DPP10: variants seen among roughly 807,000 people sequenced by gnomAD.
DPP10 encodes the protein dipeptidyl peptidase like 10, also known as inactive dipeptidyl peptidase 10.
A neutral mutation model predicts 120.9 loss-of-function variants in DPP10; 33 were observed. The ratio of observed to expected loss-of-function variants is 0.27; its 90% CI spans 0.21 to 0.37. DPP10 has a LOEUF of 0.37. Ranked by LOEUF, DPP10 falls within the 10% of genes least tolerant of loss-of-function variation. DPP10 has a pLI of 1.00. For synonymous variants in DPP10, 337 were observed against 326.1 expected (o/e 1.03, Z -0.36); for missense variants, 816 against 942.8 (o/e 0.87, Z 1.76).
At position 115,796,246 on chromosome 2, in the gene DPP10, T is replaced by A. The variant is rs185962535; in HGVS notation, c.1700+4890T>A. The stretch of plus-strand genomic sequence containing the variant: ...AGTTTGCCTGCCCACCTGGAGAAGT[T>A]CTCTTAAGACTTCCAGACACACTTC... On this transcript the variant is annotated intron_variant, in intron 19 of 25. Transcript: ENST00000410059. Among the ~76,000 whole-genome samples the A allele has an allele frequency of 2.1e-3, 322 of 152,124 alleles. 6 individuals carry two copies. Among genetic ancestry groups the A allele is most frequent in the Admixed American group, 0.019 (295 of 15,256 alleles).
intron 8 of DPP10, among the ~76,000 whole-genome samples, chr2:115,738,252 A>G (rs1676829980): frequency 6.6e-6 from 1 of 152,140 alleles, no homozygotes; most frequent in Non-Finnish European, 1.5e-5. Context: ...TTTCCCTGCA[A>G]CTACAGAAGA....
chr2:115,160,477 G>A (rs965452074), intron 1 of DPP10, among the ~76,000 whole-genome samples: 1 of 152,224 alleles, frequency 6.6e-6, no homozygotes, highest in African/African-American at 2.4e-5. Context: ...AATGGACTGA[G>A]TGGCTCAGAG....
rs1031448029 is a variant in DPP10, at chr2:115,061,271, T to C, written c.61-247968T>C. On this transcript the variant is annotated intron_variant, in intron 1 of 25. Coordinates refer to ENST00000410059, the MANE Select transcript of DPP10 (RefSeq NM_020868.6). ...GTGGGATCTTCTGGGAAAACTTTGATATTTTGACTATTCGTTATTAAAAAT... is the reference window on the plus strand; with the variant it reads ...GTGGGATCTTCTGGGAAAACTTTGACATTTTGACTATTCGTTATTAAAAAT... 2.9e-4 allele frequency among the ~76,000 whole-genome samples: 44 copies of C among 152,244 alleles called. 1 individual carries two copies. The highest frequency in any genetic ancestry group is 1.0e-3 in the African/African-American group (43 of 41,468).
intron 5 of DPP10, among the ~76,000 whole-genome samples, chr2:115,543,296 C>T (rs1221210345): frequency 6.6e-6 from 1 of 151,904 alleles, no homozygotes; most frequent in Admixed American, 6.6e-5. Context: ...TTCACTCTAT[C>T]AAAGAATAAA....
intron 1 of DPP10, among the ~76,000 whole-genome samples, chr2:114,708,562 GA>G (rs899852486): frequency 3.9e-5 from 6 of 152,208 alleles, no homozygotes; most frequent in African/African-American, 1.4e-4. Context: ...CCTTGGTCTG[GA>G]AGGAGACAGT....
At chr2:115,777,972 C>A in intron 15 of DPP10, 138 bp downstream of exon 15, 1 of 721,474 alleles carries the variant, frequency 1.4e-6, no homozygotes, top group Non-Finnish European at 2.3e-6. Flanking sequence ...CAAAGCTTCA[C>A]ACTCTTGCAC....
chr2:115,083,404 G>T (rs566060687), intron 1 of DPP10, among the ~76,000 whole-genome samples: 4 of 152,190 alleles, frequency 2.6e-5, no homozygotes, highest in African/African-American at 9.6e-5. Context: ...ATGTAACTGC[G>T]TTCTTCTCTG....
intron 19 of DPP10, among the ~76,000 whole-genome samples, chr2:115,807,710 A>AGT (rs1209565273): frequency 6.6e-6 from 1 of 151,976 alleles, no homozygotes; most frequent in Non-Finnish European, 1.5e-5. Flanking sequence ...GAAAAAAGGG[A>AGT]CAAGTAGGAG....
chr2:114,937,482 C>T (rs1558898579), intron 1 of DPP10, among the ~76,000 whole-genome samples: 2 of 152,148 alleles, frequency 1.3e-5, no homozygotes, highest in Admixed American at 6.5e-5. Context: ...GGGCCAGACT[C>T]GCTGCCCAGT....
chr2:115,196,704 T>G (rs913526248), intron 1 of DPP10, among the ~76,000 whole-genome samples: 1 of 152,186 alleles, frequency 6.6e-6, no homozygotes, highest in African/African-American at 2.4e-5. Flanking sequence ...AGATAAGGCC[T>G]CTGACCATGT....
chr2:115,510,950 T>C (rs1039898060), intron 4 of DPP10, among the ~76,000 whole-genome samples: 6 of 152,118 alleles, frequency 3.9e-5, no homozygotes, highest in Admixed American at 3.9e-4. Context: ...TTGCAGCTAG[T>C]GTATAGAAAT....
At chr2:114,897,692 TG>T (rs918710183) in intron 1 of DPP10, among the ~76,000 whole-genome samples, 2 of 151,992 alleles carry the variant, frequency 1.3e-5, no homozygotes, top group African/African-American at 4.8e-5. Flanking sequence ...GCGAAGGACA[TG>T]AACAGACACT....
chr2:114,560,970 G>A (rs1688717427), intron 1 of DPP10, among the ~76,000 whole-genome samples: 1 of 152,124 alleles, frequency 6.6e-6, no homozygotes, highest in East Asian at 1.9e-4. Flanking sequence ...TTTTGTTTTT[G>A]TTTTTAAAAA....
At chr2:115,028,069 C>T (rs1430599644) in intron 1 of DPP10, among the ~76,000 whole-genome samples, 2 of 151,868 alleles carry the variant, frequency 1.3e-5, no homozygotes, top group African/African-American at 2.4e-5. Flanking sequence ...GTTTTATCGA[C>T]CTGTTTTACT....
intron 5 of DPP10, among the ~76,000 whole-genome samples, chr2:115,570,020 C>T (rs998955435): frequency 9.9e-5 from 15 of 152,252 alleles, no homozygotes; most frequent in African/African-American, 2.6e-4. Flanking sequence ...AATTACCTTA[C>T]GGTTATCTGT....
At chr2:115,421,972 A>C (rs1448348706) in intron 3 of DPP10, among the ~76,000 whole-genome samples, 1 of 150,414 alleles carries the variant, frequency 6.6e-6, no homozygotes, top group South Asian at 2.1e-4. Context: ...TAAAAGCAGC[A>C]CCCCCACCTC....
rs546234852 is a variant in DPP10, at chr2:115,637,383, G to A, written c.442-52304G>A. The stretch of plus-strand genomic sequence containing the variant: ...GGGTAAGTTAATTGTTTTTAAATTA[G>A]CATAATCACAAAAAATATAGATGCA... On this transcript the variant is annotated intron_variant, in intron 5 of 25. Transcript: ENST00000410059. Among the ~76,000 whole-genome samples, 229 of 152,080 alleles carry A rather than the reference G, an allele frequency of 1.5e-3. 1 individual carries two copies. Among genetic ancestry groups the A allele is most frequent in the African/African-American group, 5.3e-3 (221 of 41,506 alleles).
intron 4 of DPP10, among the ~76,000 whole-genome samples, chr2:115,521,812 G>T (rs17044615): frequency 0.19 from 28,460 of 151,916 alleles, 3,334 homozygotes; most frequent in East Asian, 0.39. Context: ...ACCTGATTTT[G>T]CTTCTTTCTT....
At chr2:115,742,009 C>G (rs191089461) in intron 9 of DPP10, among the ~76,000 whole-genome samples, 2 of 152,044 alleles carry the variant, frequency 1.3e-5, no homozygotes, top group African/African-American at 4.8e-5. Context: ...TAAAGATAGG[C>G]GTAACATAAT....
Sources: gnomAD v4.1 joint callset for allele counts (sites outside exome capture counted in the v4.1 genomes callset) on GRCh38, gnomAD v4.1.1 for gene constraint, MANE v1.5 for transcripts, NCBI Gene and HGNC (gene_info 2026-07-23, HGNC 2026-07-21) for gene names.